UBR2: variants seen among roughly 807,000 people sequenced by gnomAD.
UBR2 encodes the protein E3 ubiquitin-protein ligase UBR2.
Under a neutral mutation model 247.9 loss-of-function variants are expected in UBR2, and 92 were observed. The ratio of observed to expected loss-of-function variants is 0.37; its 90% confidence interval spans 0.31 to 0.44. UBR2 has a LOEUF of 0.44. Ranked by LOEUF, UBR2 falls within the 20% of genes least tolerant of loss-of-function variation. UBR2 has a pLI of 1.00. For missense variants in UBR2, 1,613 were observed against 2,112.6 expected (o/e 0.76, Z 4.64); for synonymous variants, 672 against 693.5 (o/e 0.97, Z 0.49).
Position 42,658,796 on chromosome 6 carries a change from G to A in UBR2, c.3214G>A (p.Ala1072Thr), listed in dbSNP as rs530102127. The A allele has an allele frequency of 2.5e-6, 4 of 1,594,760 alleles. No individual in the cohort carries two copies. Among genetic ancestry groups the A allele is most frequent in the East Asian group, 2.3e-5 (1 of 44,182 alleles). Reference protein sequence around the residue: ...ELFQQTLELDASTSAVLDHSP... With the variant: ...ELFQQTLELDTSTSAVLDHSP... Reference sequence around the variant, plus strand: ...CTTTCAGCAGACATTAGAACTGGATGCCTCAACCTCTGCTGTTCTTGATCA... The same window carrying A: ...CTTTCAGCAGACATTAGAACTGGATACCTCAACCTCTGCTGTTCTTGATCA... The change falls in exon 29 of 47, where the codon GCC becomes ACC. Residue 1072 changes from alanine (A) to threonine (T), a missense_variant. Physicochemically the swap from Ala to Thr is moderately conservative, Grantham distance 58. This residue lies in a region of UBR2 where 1,524 missense variants were observed against 1,967.3 expected (regional missense o/e 0.77). Coordinates refer to ENST00000372901, the MANE Select transcript of UBR2 (RefSeq NM_001363705.2).
At chr6:42,672,282 C>T (rs1186757880) in intron 36 of UBR2, among the ~76,000 whole-genome samples, 1 of 152,132 alleles carries the variant, frequency 6.6e-6, no homozygotes, top group Non-Finnish European at 1.5e-5. Flanking sequence ...ATCTGCCCAT[C>T]TCGGCCTCCC....
intron 1 of UBR2, among the ~76,000 whole-genome samples, chr6:42,573,029 A>T (rs763964717): frequency 4.6e-5 from 7 of 152,100 alleles, no homozygotes; most frequent in Admixed American, 1.3e-4. Flanking sequence ...AAATGGAGAA[A>T]ATAACAGATT....
At chr6:42,577,353 G>A (rs1292644990) in intron 2 of UBR2, among the ~76,000 whole-genome samples, 4 of 152,120 alleles carry the variant, frequency 2.6e-5, no homozygotes, top group Non-Finnish European at 5.9e-5. Flanking sequence ...GTTTTGCTAT[G>A]GGGAGTTATT....
At chr6:42,684,963 G>A (rs1799293176) in intron 44 of UBR2, 92 bp downstream of exon 44, 3 of 1,099,228 alleles carry the variant, frequency 2.7e-6, no homozygotes, top group African/African-American at 3.2e-5. Context: ...TCTTTGTTTG[G>A]GTAGAGAAAT....
chr6:42,669,273 C>T (rs1420021497), intron 34 of UBR2, among the ~76,000 whole-genome samples: 1 of 152,152 alleles, frequency 6.6e-6, no homozygotes, highest in Non-Finnish European at 1.5e-5. Flanking sequence ...TTTATCTCTT[C>T]AGTGTTCCGA....
intron 30 of UBR2, among the ~76,000 whole-genome samples, chr6:42,660,996 TAAAAAA>T (rs11449013): frequency 7.2e-6 from 1 of 139,316 alleles, no homozygotes; most frequent in African/African-American, 2.7e-5. Context: ...TGTTTGTTTT[TAAAAAA>T]AAAAAAAAAG....
chr6:42,642,126 C>T (rs556717849), intron 17 of UBR2, among the ~76,000 whole-genome samples: 1 of 151,814 alleles, frequency 6.6e-6, no homozygotes, highest in Non-Finnish European at 1.5e-5. Flanking sequence ...TAGCCATAAA[C>T]AGATTTTGTT....
Position 42,659,044 on chromosome 6 carries a change from G to A in UBR2, c.3242+220G>A, listed in dbSNP as rs1271311781. Among the ~76,000 whole-genome samples, 1 of 152,098 alleles carries A rather than the reference G, an allele frequency of 6.6e-6. No individual in the cohort carries two copies. Among genetic ancestry groups the A allele is most frequent in the Non-Finnish European group, 1.5e-5 (1 of 68,034 alleles). ...ACCTGGTAGGGTATTTTCTGCAGAA[G>A]ACCTTGGACATTCATGAAAGAATGA... On this transcript the variant is annotated intron_variant, in intron 29 of 46. Transcript: ENST00000372901. This position sits in a 1 kb window ranked among gnomAD's most constrained non-coding sequence, Gnocchi z 4.3.
At chr6:42,615,245 T>C (rs1582541718) in intron 9 of UBR2, 67 bp downstream of exon 9, 1 of 1,249,652 alleles carries the variant, frequency 8.0e-7, no homozygotes, top group South Asian at 1.5e-5. Flanking sequence ...TGAAAGGTTT[T>C]TATCATTTGG....
intron 7 of UBR2, among the ~76,000 whole-genome samples, chr6:42,611,165 A>AAC (rs982192441): frequency 2.0e-5 from 3 of 151,168 alleles, no homozygotes; most frequent in Non-Finnish European, 4.4e-5. Context: ...AAAAAAAAAA[A>AAC]AAAGTTGATA....
intron 21 of UBR2, 146 bp downstream of exon 21, chr6:42,645,736 A>ACTG: frequency 2.5e-6 from 2 of 792,528 alleles, no homozygotes; most frequent in Admixed American, 2.8e-5. Context: ...CACTCTTATT[A>ACTG]TGAATAATTA....
At chr6:42,606,479 T>C in intron 6 of UBR2, 110 bp from the exon 7 acceptor site, 2 of 947,130 alleles carry the variant, frequency 2.1e-6, no homozygotes, top group Middle Eastern at 3.2e-4. Flanking sequence ...ATTGTAAATA[T>C]TGAAAATTGA....
At chr6:42,614,276 A>G (rs1261622178) in intron 8 of UBR2, among the ~76,000 whole-genome samples, 1 of 147,352 alleles carries the variant, frequency 6.8e-6, no homozygotes, top group Non-Finnish European at 1.5e-5. Context: ...ACACACGTAC[A>G]TATATATGTA....
intron 41 of UBR2, among the ~76,000 whole-genome samples, chr6:42,679,038 A>G (rs1248274103): frequency 3.3e-5 from 5 of 152,274 alleles, no homozygotes; most frequent in African/African-American, 4.8e-5. Context: ...TGAAACATGC[A>G]TAGCATTAAA....
chr6:42,627,926 G>A (rs1415480943), intron 11 of UBR2, among the ~76,000 whole-genome samples: 1 of 152,190 alleles, frequency 6.6e-6, no homozygotes, highest in Non-Finnish European at 1.5e-5. Flanking sequence ...GGAGATTAAA[G>A]GCAAGATGAA....
chr6:42,652,320 G>A (rs1476894468), intron 24 of UBR2, among the ~76,000 whole-genome samples, 171 bp from the exon 25 acceptor site: 1 of 152,154 alleles, frequency 6.6e-6, no homozygotes, highest in South Asian at 2.1e-4. Flanking sequence ...CTTCTGTACT[G>A]CTGCTACTTT....
chr6:42,688,456 A>G (rs970442819), intron 45 of UBR2, 70 bp downstream of exon 45: 1 of 1,555,598 alleles, frequency 6.4e-7, no homozygotes, highest in Non-Finnish European at 8.7e-7. Context: ...GTCACAGGAA[A>G]CTACTATATT....
In UBR2 at chr6:42,601,603, G is replaced by T. The variant is rs145259532; in HGVS notation, c.532-1985G>T. On this transcript the variant is annotated intron_variant, in intron 4 of 46. Transcript: ENST00000372901. The stretch of plus-strand genomic sequence containing the variant: ...CTCAGGAGGCTGAGGCAGGAGAATC[G>T]CTTGAACCCGGGAGGCGGACGTTAC... Among the ~76,000 whole-genome samples, 445 of 150,234 alleles carry T rather than the reference G, an allele frequency of 3.0e-3. 3 individuals are homozygous for T. The highest frequency in any genetic ancestry group is 0.01 in the African/African-American group (424 of 40,918).
intron 42 of UBR2, among the ~76,000 whole-genome samples, chr6:42,680,686 G>A (rs1048972726): frequency 6.6e-6 from 1 of 152,206 alleles, no homozygotes; most frequent in South Asian, 2.1e-4. Context: ...TGTCAATCAT[G>A]TCAAGTTAGT....
Sources: allele counts gnomAD v4.1 joint callset (sites outside exome capture counted in the v4.1 genomes callset), GRCh38; gene constraint gnomAD v4.1.1; regional missense constraint gnomAD v4.1.1; non-coding constraint Gnocchi (gnomAD v3.1); transcripts MANE v1.5; gene names NCBI Gene and HGNC (gene_info 2026-07-23, HGNC 2026-07-21).